ACBD6: variants seen among roughly 807,000 people sequenced by gnomAD.
The protein encoded by ACBD6 is acyl-CoA-binding domain-containing protein 6.
Under a neutral mutation model 37.2 loss-of-function variants are expected in ACBD6, and 28 were observed. The observed-to-expected ratio is 0.75, with a 90% CI of 0.56 to 1.03. The LOEUF (loss-of-function observed/expected upper bound fraction) is 1.03, where lower values mean the gene tolerates loss of function less well. ACBD6 is among the 50% of genes least tolerant of loss of function. The pLI is 0.00. For synonymous variants in ACBD6, 113 were observed against 126.8 expected (o/e 0.89, Z 0.73); for missense variants, 340 against 337.4 (o/e 1.01, Z -0.06).
chr1:180,371,683 T>C (rs539238545), intron 6 of ACBD6, among the ~76,000 whole-genome samples: 1 of 152,248 alleles, frequency 6.6e-6, no homozygotes, highest in Admixed American at 6.5e-5. Context: ...AGGTAGGGCC[T>C]TGAGAGTTAA....
At chr1:180,480,004 AAGAAAATACAAGC>A (rs1244526403) in intron 3 of ACBD6, among the ~76,000 whole-genome samples, 5 of 152,234 alleles carry the variant, frequency 3.3e-5, no homozygotes, top group African/African-American at 7.2e-5. Context: ...CAAAGAAAAA[AAGAAAATACAAGC>A]AGAAAATACA....
chr1:180,491,921 T>C (rs913868060), intron 3 of ACBD6, among the ~76,000 whole-genome samples: 5 of 152,208 alleles, frequency 3.3e-5, no homozygotes, highest in Admixed American at 3.3e-4. Context: ...TTGATTCCCC[T>C]GCCTCAGCTT....
intron 6 of ACBD6, among the ~76,000 whole-genome samples, chr1:180,327,423 C>G (rs1651297510): frequency 6.6e-6 from 1 of 152,188 alleles, no homozygotes; most frequent in African/African-American, 2.4e-5. Flanking sequence ...CGATTTAAGA[C>G]TGTGTTTCCT....
chr1:180,331,316 C>T (rs1407800106), intron 6 of ACBD6, among the ~76,000 whole-genome samples: 1 of 152,158 alleles, frequency 6.6e-6, no homozygotes, highest in African/African-American at 2.4e-5. Context: ...AGTAATATAA[C>T]TAACATCCTT....
intron 6 of ACBD6, among the ~76,000 whole-genome samples, chr1:180,389,157 C>T (rs1311219660): frequency 5.3e-5 from 8 of 152,148 alleles, no homozygotes; most frequent in African/African-American, 1.7e-4. Flanking sequence ...CTTCCCGCTC[C>T]CCCGCCCACA....
chr1:180,370,288 T>G (rs1307472079), intron 6 of ACBD6, among the ~76,000 whole-genome samples: 2 of 152,104 alleles, frequency 1.3e-5, no homozygotes, highest in Non-Finnish European at 2.9e-5. Flanking sequence ...CTCAGAAAGG[T>G]GATAACTTTA....
chr1:180,285,707 TAACCCATAGCCAAG>T (rs1003243818), downstream of ACBD6, among the ~76,000 whole-genome samples: 10 of 152,198 alleles, frequency 6.6e-5, no homozygotes, highest in Non-Finnish European at 1.2e-4. Flanking sequence ...CATGGAATAA[TAACCCATAGCCAAG>T]TAGTTAAATC....
intron 7 of ACBD6, among the ~76,000 whole-genome samples, chr1:180,298,023 G>T (rs536348928): frequency 6.6e-6 from 1 of 152,232 alleles, no homozygotes; most frequent in South Asian, 2.1e-4. Context: ...GGGATAACAG[G>T]CATGAGCCAC....
At chr1:180,313,654 T>C (rs967432586) in intron 7 of ACBD6, among the ~76,000 whole-genome samples, 3 of 152,182 alleles carry the variant, frequency 2.0e-5, no homozygotes, top group African/African-American at 7.2e-5. Context: ...CATAATGTGG[T>C]GTAAATACCG....
intron 3 of ACBD6, among the ~76,000 whole-genome samples, chr1:180,459,220 T>A (rs529961072): frequency 9.8e-5 from 15 of 152,340 alleles, no homozygotes; most frequent in African/African-American, 3.6e-4. Context: ...TGGCTCCAGT[T>A]CAACTTAATG....
At chr1:180,423,420 A>G (rs371395151) in intron 4 of ACBD6, among the ~76,000 whole-genome samples, 2 of 152,194 alleles carry the variant, frequency 1.3e-5, no homozygotes, top group African/African-American at 2.4e-5. Flanking sequence ...CTTCTACTAC[A>G]TAACTATTTT....
intron 5 of ACBD6, among the ~76,000 whole-genome samples, chr1:180,406,529 T>C (rs1469668991): frequency 2.0e-5 from 3 of 152,180 alleles, no homozygotes; most frequent in Non-Finnish European, 4.4e-5. Flanking sequence ...AAAAGGCATT[T>C]CATATATATT....
At chr1:180,279,819 C>T (rs1649254377) in intron 9 of ACBD6, among the ~76,000 whole-genome samples, 1 of 150,874 alleles carries the variant, frequency 6.6e-6, no homozygotes, top group African/African-American at 2.4e-5. Flanking sequence ...GAAACAGCAA[C>T]AGGGACTTTT....
In ACBD6 at chr1:180,282,049, T is replaced by C. The variant is rs371798286; in HGVS notation, c.*94-663A>G. 6.6e-5 allele frequency among the ~76,000 whole-genome samples: 10 copies of C among 152,348 alleles called. No homozygotes were observed. In the East Asian group the frequency reaches 1.3e-3, roughly 21 times the overall value. On this transcript the variant is annotated intron_variant, in intron 8 of 13. Transcript: ENST00000642319. ...ATTTTCCTTTAGAACCCTTTCTTTT[T>C]GGTGATTTTTCCTTTAGCCATCTCC...
At chr1:180,389,719 T>C (rs1332926372) in intron 6 of ACBD6, among the ~76,000 whole-genome samples, 1 of 152,212 alleles carries the variant, frequency 6.6e-6, no homozygotes, top group East Asian at 1.9e-4. Flanking sequence ...TGGTATCTCA[T>C]TGTGGTTTTG....
intron 4 of ACBD6, 40 bp downstream of exon 4, chr1:180,430,140 C>G (rs1648755378): frequency 2.6e-6 from 4 of 1,520,034 alleles, no homozygotes; most frequent in Non-Finnish European, 3.6e-6. Context: ...CACACACAGG[C>G]ATATATATTT....
chr1:180,317,024 T>C (rs558005594), intron 6 of ACBD6, among the ~76,000 whole-genome samples: 2 of 152,222 alleles, frequency 1.3e-5, no homozygotes, highest in East Asian at 3.9e-4. Flanking sequence ...AATGGGCAAA[T>C]CACAGCACTG....
chr1:180,466,763 GT>G (rs879702354), intron 3 of ACBD6, among the ~76,000 whole-genome samples: 1 of 151,832 alleles, frequency 6.6e-6, no homozygotes, highest in East Asian at 1.9e-4. Flanking sequence ...GCATGGTTTT[GT>G]TTTTTTCTTT....
chr1:180,294,072 T>C (rs1649820614), intron 7 of ACBD6, among the ~76,000 whole-genome samples: 1 of 151,982 alleles, frequency 6.6e-6, no homozygotes, highest in Non-Finnish European at 1.5e-5. Context: ...TTTTTGTGTA[T>C]GTAGTAGAGA....
Sources: gnomAD v4.1 joint callset for allele counts (sites outside exome capture counted in the v4.1 genomes callset) on GRCh38, gnomAD v4.1.1 for gene constraint, MANE v1.5 for transcripts, NCBI Gene and HGNC (gene_info 2026-07-23, HGNC 2026-07-21) for gene names.